The following BRD1 variants were observed in gnomAD, a reference collection of about 807,000 sequenced individuals.
The protein encoded by BRD1 is bromodomain containing 1, also known as bromodomain-containing protein 1.
BRD1 carries 24 observed loss-of-function variants against 107.7 expected under a neutral mutation model. The observed-to-expected ratio is 0.22, with a 90% CI of 0.16 to 0.31. The LOEUF (loss-of-function observed/expected upper bound fraction) is 0.31. Among genes scored for constraint, BRD1 ranks in the 10% least tolerant of loss-of-function variants. The pLI, the probability that BRD1 is intolerant of heterozygous loss-of-function variation, is 1.00. For missense variants in BRD1, 1,279 were observed against 1,638.6 expected (o/e 0.78, Z 3.79); for synonymous variants, 744 against 686.1 (o/e 1.08, Z -1.32).
rs2059448479 is a variant in BRD1, at chr22:49,792,179, A to G, written c.2359+1855T>C. Among the ~76,000 whole-genome samples the G allele has an allele frequency of 3.0e-5, 2 of 66,912 alleles. No individual in the cohort carries two copies. Among genetic ancestry groups the G allele is most frequent in the African/African-American group, 7.3e-4 (2 of 2,722 alleles). 43.9% of individuals were successfully genotyped at this position (66,912 alleles called of 152,430 possible). ...ATGGCAATGGAGGAAGCCACTGATA[A>G]AAAAAAAAAGCTAAAAAGGTAACTT... is the stretch of plus-strand genomic sequence containing the variant. On this transcript the variant is annotated intron_variant, in intron 7 of 12. Transcript: ENST00000404760. This position sits in a 1 kb window ranked among gnomAD's most constrained non-coding sequence, Gnocchi z 4.2.
At position 49,823,915 on chromosome 22, in the gene BRD1, T is replaced by G; in HGVS notation, c.403A>C (p.Arg135=). The change falls in exon 2 of 13, where the codon AGG becomes CGG. Residue 135 remains arginine (R), a synonymous_variant. Transcript: ENST00000404760. ...VEYSPPSAPR[R]PPVYYKFIEK... is the part of the protein sequence containing the mutation. ...ATGAACTTGTAGTACACAGGAGGCC[T>G]CCTGGGGGCGGACGGAGGGCTGTAC... 6.2e-7 allele frequency: 1 copy of G among 1,614,202 alleles called. No individual in the cohort carries two copies. Among genetic ancestry groups the G allele is most frequent in the Non-Finnish European group, 8.5e-7 (1 of 1,180,054 alleles).
In BRD1 at chr22:49,827,609, G is replaced by A. The variant is rs1472470159; in HGVS notation, c.-127C>T. On this transcript the variant is annotated 5_prime_UTR_variant, in exon 1 of 13. Transcript: ENST00000404760. ...TCCTCCGCCAACGGCCGCGCAGGCCGGGCCCCGCCGCCGCTCCTGGGCGCG... is the reference window on the plus strand; with the variant it reads ...TCCTCCGCCAACGGCCGCGCAGGCCAGGCCCCGCCGCCGCTCCTGGGCGCG... 1.4e-5 allele frequency: 2 copies of A among 145,010 alleles called. No homozygotes were observed. Among genetic ancestry groups the A allele is most frequent in the Non-Finnish European group, 1.5e-5 (1 of 65,402 alleles). The allele number at this position is 145,010 out of a possible 1,614,324, so 9.0% of individuals were successfully genotyped here.
intron 6 of BRD1, among the ~76,000 whole-genome samples, chr22:49,795,153 C>A (rs938069227): frequency 5.3e-5 from 8 of 151,974 alleles, no homozygotes; most frequent in Non-Finnish European, 1.0e-4. Flanking sequence ...TCCATAACAT[C>A]ACTCTGAACA....
At chr22:49,793,817 A>G (rs1287185400) in intron 7 of BRD1, among the ~76,000 whole-genome samples, 3 of 152,266 alleles carry the variant, frequency 2.0e-5, no homozygotes, top group African/African-American at 7.2e-5. Flanking sequence ...TATGTGAGAA[A>G]ACACAGACAG....
chr22:49,806,059 A>G (rs745731693), intron 2 of BRD1: 9 of 151,444 alleles, frequency 5.9e-5, no homozygotes, highest in Non-Finnish European at 1.0e-4. Context: ...GCTAATTTTT[A>G]TGTTTTCAGT....
chr22:49,824,934 C>A lies in BRD1; in HGVS notation c.-14-603G>T. On this transcript the variant is annotated intron_variant, in intron 1 of 12. Transcript: ENST00000404760. The surrounding 1 kb of genome is among the most constrained non-coding windows in gnomAD (Gnocchi z 5.9). ...AGGAGACAGATCACAGCCTGTCCAT[C>A]CTCTATAGACAGGCCCTCCACACGC... The A allele has an allele frequency of 4.1e-6, 2 of 488,240 alleles. No homozygotes were observed. Among genetic ancestry groups the A allele is most frequent in the Non-Finnish European group, 5.4e-6 (2 of 371,836 alleles). 30.2% of individuals were successfully genotyped at this position (488,240 alleles called of 1,614,324 possible). A position where few individuals can be genotyped will look rare whatever the true frequency, so the allele number is the denominator to read the frequency against.
chr22:49,819,642 G>A (rs924238446), intron 2 of BRD1, among the ~76,000 whole-genome samples: 13 of 151,446 alleles, frequency 8.6e-5, no homozygotes, highest in Non-Finnish European at 1.5e-4. Context: ...GTACAGATGG[G>A]TTTTCACCAT....
Position 49,797,814 on chromosome 22 carries a change from A to G in BRD1, c.2089T>C (p.Trp697Arg), listed in dbSNP as rs1331249528. The G allele has an allele frequency of 1.3e-6, 2 of 1,597,326 alleles. No homozygotes were observed. The highest frequency in any genetic ancestry group is 1.7e-6 in the Non-Finnish European group (2 of 1,172,438). Residue 697 changes from tryptophan (W) to arginine (R), a missense_variant, in exon 6 of 13, where the codon TGG becomes CGG. Transcript: ENST00000404760. ...CGGCGCCAGTTCTTACCGTCTTCCCAGGAGAAAGGCCGCCGCGGTGCCGCA... is the reference window on the plus strand; with the variant it reads ...CGGCGCCAGTTCTTACCGTCTTCCCGGGAGAAAGGCCGCCGCGGTGCCGCA... ...PAAAPRRPFS[W>R]EDVDRLLDPA...
intron 8 of BRD1, among the ~76,000 whole-genome samples, chr22:49,781,743 G>A (rs1322646901): frequency 6.6e-6 from 1 of 152,278 alleles, no homozygotes; most frequent in Non-Finnish European, 1.5e-5. Context: ...AGTGACAAAG[G>A]AGAGCCCACT....
intron 7 of BRD1, 63 bp from the exon 8 acceptor site, chr22:49,787,950 T>C: frequency 7.3e-7 from 1 of 1,362,330 alleles, no homozygotes; most frequent in East Asian, 2.5e-5. Flanking sequence ...ATTATAAAAC[T>C]TACTATAAAT....
At chr22:49,800,252 G>A (rs2059616316) in intron 3 of BRD1, among the ~76,000 whole-genome samples, 1 of 152,144 alleles carries the variant, frequency 6.6e-6, no homozygotes, top group Non-Finnish European at 1.5e-5. Context: ...GGGAGGCCGA[G>A]CCCCGCACCC....
At chr22:49,800,234 C>T (rs2059616078) in intron 3 of BRD1, among the ~76,000 whole-genome samples, 1 of 152,182 alleles carries the variant, frequency 6.6e-6, no homozygotes, top group Non-Finnish European at 1.5e-5. Flanking sequence ...GAAAAGGAGG[C>T]TCAAGGAGGG....
chr22:49,815,711 T>C (rs1399486812), intron 2 of BRD1, among the ~76,000 whole-genome samples: 1 of 152,154 alleles, frequency 6.6e-6, no homozygotes, highest in African/African-American at 2.4e-5. Context: ...AGGGCAGGAA[T>C]GAGTCAGTGT....
At chr22:49,784,060 C>T (rs1245109887) in intron 8 of BRD1, among the ~76,000 whole-genome samples, 1 of 152,184 alleles carries the variant, frequency 6.6e-6, no homozygotes, top group Non-Finnish European at 1.5e-5. Flanking sequence ...CCGAAGGACA[C>T]TGAAGACACC....
intron 8 of BRD1, among the ~76,000 whole-genome samples, chr22:49,784,887 G>A (rs1045288491): frequency 1.5e-4 from 23 of 152,204 alleles, no homozygotes; most frequent in African/African-American, 4.6e-4. Flanking sequence ...TAATGCTGCT[G>A]AGGCTCCCGG....
chr22:49,786,551 C>G (rs187009575), intron 8 of BRD1, among the ~76,000 whole-genome samples: 243 of 152,314 alleles, frequency 1.6e-3, no homozygotes, highest in Non-Finnish European at 2.3e-3. Flanking sequence ...AAGAGGGCCA[C>G]ATAAAACAAT....
chr22:49,797,931 G>C lies in BRD1; in HGVS notation c.1972C>G (p.Gln658Glu). 6.2e-7 allele frequency: 1 copy of C among 1,614,212 alleles called. No homozygotes were observed. The highest frequency in any genetic ancestry group is 8.5e-7 in the Non-Finnish European group (1 of 1,180,040). The change falls in exon 6 of 13, where the codon CAG becomes GAG. Residue 658 changes from glutamine (Q) to glutamate (E), a missense_variant. By Grantham distance (29) the Gln-to-Glu change is conservative (BLOSUM62 2). This residue lies in a region of BRD1 where 406 missense variants were observed against 519.4 expected (regional missense o/e 0.78). Coordinates refer to ENST00000404760, the MANE Select transcript of BRD1 (RefSeq NM_001304808.3). ...GCCTGCCTCAGAACAACACCTCCCT[G>C]ATCGCGCAGCCTCACCGCGGCTCTA... Reference protein sequence around the residue: ...FYRAAVRLRDQGGVVLRQARR... With the variant: ...FYRAAVRLRDEGGVVLRQARR...
intron 6 of BRD1, among the ~76,000 whole-genome samples, chr22:49,795,321 TGAG>T (rs2147117468): frequency 6.6e-6 from 1 of 152,338 alleles, no homozygotes; most frequent in African/African-American, 2.4e-5. Context: ...TCGGCCGTGC[TGAG>T]AAGAGCAGCA....
chr22:49,817,643 G>T, intron 2 of BRD1: 1 of 226,400 alleles, frequency 4.4e-6, no homozygotes, highest in South Asian at 8.4e-5. Flanking sequence ...CTAACAAAGG[G>T]ACCGGTACCA....
Sources: allele counts gnomAD v4.1 joint callset (sites outside exome capture counted in the v4.1 genomes callset), GRCh38; gene constraint gnomAD v4.1.1; regional missense constraint gnomAD v4.1.1; non-coding constraint Gnocchi (gnomAD v3.1); transcripts MANE v1.5; gene names NCBI Gene and HGNC (gene_info 2026-07-23, HGNC 2026-07-21).